GABARAPL2: variants seen among roughly 807,000 people sequenced by gnomAD.
The protein encoded by GABARAPL2 is gamma-aminobutyric acid receptor-associated protein-like 2.
GABARAPL2 carries 11 observed loss-of-function variants against 16.9 expected under a neutral mutation model. The observed-to-expected ratio is 0.65, with a 90% confidence interval of 0.41 to 1.08. GABARAPL2 has a LOEUF of 1.08. Among genes scored for constraint, GABARAPL2 ranks in the 50% least tolerant of loss-of-function variants. The pLI is 0.00. For synonymous variants in GABARAPL2, 57 were observed against 50.7 expected, an observed-to-expected ratio of 1.12 and a Z score of -0.53; for missense variants, 134 against 142.5, an observed-to-expected ratio of 0.94 and a Z score of 0.30.
In GABARAPL2 at chr16:75,574,187, C is replaced by A. The variant is rs566357060; in HGVS notation, c.264-3092C>A. On this transcript the variant is annotated intron_variant, in intron 3 of 3. Coordinates refer to ENST00000037243, the MANE Select transcript of GABARAPL2 (RefSeq NM_007285.7). ...GTAGCGGTCCAGTGGTTATTGTTCA[C>A]CCTGGATAGCATACACAGGCCCGGG... 2.3e-4 allele frequency among the ~76,000 whole-genome samples: 35 copies of A among 152,274 alleles called. 1 individual carries two copies. Among genetic ancestry groups the A allele is most frequent in the South Asian group, 2.1e-3 (10 of 4,826 alleles).
rs575238504 is a variant in GABARAPL2, at chr16:75,577,661, C to T, written c.*292C>T. 3.0e-5 allele frequency: 8 copies of T among 268,034 alleles called. No homozygotes were observed. Among genetic ancestry groups the T allele is most frequent in the African/African-American group, 6.6e-5 (3 of 45,608 alleles). The allele number at this position is 268,034 out of a possible 1,614,324, so 16.6% of individuals were successfully genotyped here. A position where few individuals can be genotyped will look rare whatever the true frequency, so the allele number is the denominator to read the frequency against. Reference sequence around the variant, plus strand: ...TTTCTATATCGAAGTGAGGTAGGTGCGGTATTAAAGTGAAAGGGAAGGTGA... The same window carrying T: ...TTTCTATATCGAAGTGAGGTAGGTGTGGTATTAAAGTGAAAGGGAAGGTGA... On this transcript the variant is annotated 3_prime_UTR_variant, in exon 4 of 4. Transcript: ENST00000037243.
intron 3 of GABARAPL2, among the ~76,000 whole-genome samples, chr16:75,573,412 T>C (rs1469794624): frequency 6.6e-6 from 1 of 152,232 alleles, no homozygotes; most frequent in Non-Finnish European, 1.5e-5. Context: ...AGCCTCAAAA[T>C]TAGGTGCATG....
chr16:75,573,906 A>T (rs189597005), intron 3 of GABARAPL2, among the ~76,000 whole-genome samples: 36 of 152,336 alleles, frequency 2.4e-4, no homozygotes, highest in Non-Finnish European at 2.8e-4. Flanking sequence ...CATCTACCTC[A>T]TGAGATTGTT....
chr16:75,576,276 C>G (rs565457805), intron 3 of GABARAPL2: 2 of 152,180 alleles, frequency 1.3e-5, no homozygotes, highest in Non-Finnish European at 2.9e-5. Flanking sequence ...CAAAACCTCC[C>G]CCTTCATAAA....
At position 75,577,321 on chromosome 16, in the gene GABARAPL2, T is replaced by TG. The variant is rs749203331; in HGVS notation, c.308dup (p.Phe104IlefsTer25). On this transcript the variant is annotated frameshift_variant, in exon 4 of 4. Coordinates refer to ENST00000037243, the MANE Select transcript of GABARAPL2 (RefSeq NM_007285.7). LOFTEE classifies it high-confidence loss of function. ...TTTACGAGAAGGAAAAAGATGAAGA[T>TG]GGATTCTTATATGTGGCCTACAGCG... The TG allele has an allele frequency of 6.2e-7, 1 of 1,613,144 alleles. No homozygotes were observed. Among genetic ancestry groups the TG allele is most frequent in the Non-Finnish European group, 8.5e-7 (1 of 1,179,072 alleles).
Position 75,577,413 on chromosome 16 carries a change from T to C in GABARAPL2, c.*44T>C, listed in dbSNP as rs531883459. The C allele has an allele frequency of 3.5e-6, 4 of 1,127,014 alleles. No individual in the cohort carries two copies. In the Admixed American group the frequency reaches 5.1e-5, roughly 14 times the overall value. The allele number at this position is 1,127,014 out of a possible 1,614,324, so 69.8% of individuals were successfully genotyped here. A position where few individuals can be genotyped will look rare whatever the true frequency, so the allele number is the denominator to read the frequency against. Reference sequence around the variant, plus strand: ...GTGCACCGTAACTGCTTGTGTATCTTGTAAATAGCCAGCCATTTTCAGTTA... The same window carrying C: ...GTGCACCGTAACTGCTTGTGTATCTCGTAAATAGCCAGCCATTTTCAGTTA... On this transcript the variant is annotated 3_prime_UTR_variant, in exon 4 of 4. Transcript: ENST00000037243.
At chr16:75,574,146 C>T (rs908792059) in intron 3 of GABARAPL2, among the ~76,000 whole-genome samples, 30 of 152,224 alleles carry the variant, frequency 2.0e-4, no homozygotes, top group Admixed American at 1.8e-3. Flanking sequence ...CAGAGTCTCA[C>T]GACCTGCCTT....
chr16:75,568,869 T>G (rs1443080921), intron 3 of GABARAPL2, among the ~76,000 whole-genome samples: 1 of 152,142 alleles, frequency 6.6e-6, no homozygotes, highest in Non-Finnish European at 1.5e-5. Context: ...CAGCCCAGCT[T>G]TAGTCCCCTG....
Position 75,568,065 on chromosome 16 carries a change from A to T in GABARAPL2, c.119A>T (p.Gln40Leu). 6.2e-7 allele frequency: 1 copy of T among 1,609,024 alleles called. No individual in the cohort carries two copies. The highest frequency in any genetic ancestry group is 1.7e-5 in the Admixed American group (1 of 59,950). Residue 40 changes from glutamine to leucine, a missense_variant, in exon 3 of 4, where the codon CAG becomes CTG. Transcript: ENST00000037243. ...ATTGTGGAAAAGGTCTCAGGCTCTC[A>T]GATTGTTGACATTGACAAACGGAAG... ...PVIVEKVSGS[Q>L]IVDIDKRKYL...
At chr16:75,573,904 T>C (rs2080931315) in intron 3 of GABARAPL2, among the ~76,000 whole-genome samples, 1 of 152,224 alleles carries the variant, frequency 6.6e-6, no homozygotes, top group Non-Finnish European at 1.5e-5. Flanking sequence ...ACCATCTACC[T>C]CATGAGATTG....
rs756429256 is a variant in GABARAPL2 at position 75,566,501 on chromosome 16, C to T, written c.15C>T (p.Phe5=). ...CCGCCGCCGCCATGAAGTGGATGTT[C>T]AAGGAGGACCACTCGCTGGGTAAGC... MKWM[F]KEDHSLEHRC... The change falls in exon 1 of 4, where the codon TTC becomes TTT. Residue 5 remains phenylalanine (F), a synonymous_variant. Transcript: ENST00000037243. 1.9e-6 allele frequency: 3 copies of T among 1,608,816 alleles called. No individual in the cohort carries two copies. The highest frequency in any genetic ancestry group is 2.2e-5 in the South Asian group (2 of 90,508).
chr16:75,567,820 T>C (rs578089285), intron 2 of GABARAPL2, among the ~76,000 whole-genome samples: 74 of 152,344 alleles, frequency 4.9e-4, no homozygotes, highest in East Asian at 2.3e-3. Flanking sequence ...TCTTACATAA[T>C]TGACCACAGA....
In GABARAPL2 at chr16:75,570,849, G is replaced by C. The variant is rs1284415484; in HGVS notation, c.263+2640G>C. ...AGTTGAATTCTCTGCCTAGGTGCCAGCATCAAGAATCAGGCCAAAAACGGA... is the reference window on the plus strand; with the variant it reads ...AGTTGAATTCTCTGCCTAGGTGCCACCATCAAGAATCAGGCCAAAAACGGA... On this transcript the variant is annotated intron_variant, in intron 3 of 3. Transcript: ENST00000037243. 5.9e-5 allele frequency among the ~76,000 whole-genome samples: 9 copies of C among 152,144 alleles called. No individual in the cohort carries two copies. In the East Asian group the frequency reaches 1.7e-3, roughly 29 times the overall value.
rs573266228 is a variant in GABARAPL2, at chr16:75,569,072, G to A, written c.263+863G>A. On this transcript the variant is annotated intron_variant, in intron 3 of 3. Transcript: ENST00000037243. ...ACTCCCAGAAGTAATACTTCTAAAA[G>A]TGAAGGCTCTCAGAAGCCCTGGGAA... 1.4e-3 allele frequency among the ~76,000 whole-genome samples: 208 copies of A among 152,320 alleles called. 2 individuals carry two copies. Among genetic ancestry groups the A allele is most frequent in the African/African-American group, 4.8e-3 (199 of 41,566 alleles).
Position 75,566,525 on chromosome 16 carries a change from G to C in GABARAPL2, c.34+5G>C. ...TCAAGGAGGACCACTCGCTGGGTAA[G>C]CACTTGGTCGTCGGCCCGGCTGCTG... is the stretch of plus-strand genomic sequence containing the variant. On this transcript the variant is annotated splice_donor_5th_base_variant and intron_variant, in intron 1 of 3. Coordinates refer to ENST00000037243, the MANE Select transcript of GABARAPL2 (RefSeq NM_007285.7). 2 of 1,608,314 alleles carry C rather than the reference G, an allele frequency of 1.2e-6. No homozygotes were observed. The highest frequency in any genetic ancestry group is 1.7e-6 in the Non-Finnish European group (2 of 1,178,100).
chr16:75,568,347 GGCTCC>G, intron 3 of GABARAPL2, 138 bp downstream of exon 3: 1 of 580,300 alleles, frequency 1.7e-6, no homozygotes, highest in Non-Finnish European at 3.1e-6. Flanking sequence ...TGACATCAGG[GGCTCC>G]AGGAAAATAA....
intron 3 of GABARAPL2, among the ~76,000 whole-genome samples, chr16:75,575,053 G>T (rs116212490): frequency 3.3e-5 from 5 of 151,920 alleles, no homozygotes; most frequent in African/African-American, 1.2e-4. Flanking sequence ...ACAAAACATA[G>T]TGATGATTTC....
intron 3 of GABARAPL2, among the ~76,000 whole-genome samples, chr16:75,575,232 C>T (rs1333607322): frequency 6.6e-6 from 1 of 151,942 alleles, no homozygotes; most frequent in Non-Finnish European, 1.5e-5. Flanking sequence ...GAAATGGATG[C>T]AAGCCACATA....
intron 3 of GABARAPL2, chr16:75,572,338 A>G (rs978248030): frequency 6.6e-6 from 1 of 152,276 alleles, no homozygotes; most frequent in African/African-American, 2.4e-5. Flanking sequence ...AGATAATCCA[A>G]GGTCCAGTGG....
Sources: allele counts gnomAD v4.1 joint callset (sites outside exome capture counted in the v4.1 genomes callset), GRCh38; gene constraint gnomAD v4.1.1; transcripts MANE v1.5; gene names NCBI Gene and HGNC (gene_info 2026-07-23, HGNC 2026-07-21).